Variants in NBEA observed in about 807,000 individuals in gnomAD.
NBEA encodes the protein neurobeachin.
NBEA carries 44 observed loss-of-function variants against 343.4 expected under a neutral mutation model. The ratio of observed to expected loss-of-function variants is 0.13; its 90% confidence interval spans 0.10 to 0.16. NBEA has a LOEUF of 0.16. Among genes scored for constraint, NBEA ranks in the 10% least tolerant of loss-of-function variants. The probability of loss-of-function intolerance (pLI) is 1.00; values close to 1 mark genes in which losing one functional copy is unlikely to be tolerated. For missense variants in NBEA, 2,555 were observed against 3,631.3 expected (o/e 0.70, Z 7.62); for synonymous variants, 1,175 against 1,238.7 (o/e 0.95, Z 1.08).
In NBEA at chr13:34,989,687, C is replaced by G. The variant is rs959033653; in HGVS notation, c.294+46573C>G. On this transcript the variant is annotated intron_variant, in intron 1 of 58. Coordinates refer to ENST00000379939, the MANE Select transcript of NBEA (RefSeq NM_001385012.1). Reference sequence around the variant, plus strand: ...ACCTAGCCCTCCCAAATCTCATGTCCTTGTCACCTTTCAAAGCACAGTCAT... The same window carrying G: ...ACCTAGCCCTCCCAAATCTCATGTCGTTGTCACCTTTCAAAGCACAGTCAT... Among the ~76,000 whole-genome samples the G allele has an allele frequency of 1.1e-4, 16 of 150,718 alleles. 1 individual carries two copies. Among genetic ancestry groups the G allele is most frequent in the African/African-American group, 3.9e-4 (16 of 41,286 alleles).
At chr13:35,375,659 G>A (rs948702470) in intron 38 of NBEA, among the ~76,000 whole-genome samples, 1 of 152,096 alleles carries the variant, frequency 6.6e-6, no homozygotes, top group Non-Finnish European at 1.5e-5. Context: ...CAAAAATCCA[G>A]CAAGGTGACA....
chr13:35,137,649 C>T (rs960646122), intron 17 of NBEA, among the ~76,000 whole-genome samples: 1 of 151,228 alleles, frequency 6.6e-6, no homozygotes, highest in African/African-American at 2.4e-5. Flanking sequence ...CCTTTATTAC[C>T]TTCTCTTACT....
At position 34,944,597 on chromosome 13, in the gene NBEA, C is replaced by A. The variant is rs927112268; in HGVS notation, c.294+1483C>A. Among the ~76,000 whole-genome samples, 19 of 152,132 alleles carry A rather than the reference C, an allele frequency of 1.2e-4. 1 individual carries two copies. Among genetic ancestry groups the A allele is most frequent in the Admixed American group, 9.8e-4 (15 of 15,278 alleles). ...ATATAACCAAGTTCTTTTCAGAACA[C>A]TACTAGAAATACAGTTTTCTTGAGT... On this transcript the variant is annotated intron_variant, in intron 1 of 58. Coordinates refer to ENST00000379939, the MANE Select transcript of NBEA (RefSeq NM_001385012.1).
intron 23 of NBEA, among the ~76,000 whole-genome samples, chr13:35,162,277 T>G (rs1332263120): frequency 3.3e-5 from 5 of 152,262 alleles, no homozygotes; most frequent in African/African-American, 1.2e-4. Flanking sequence ...CTTTCTAAAT[T>G]TTCAATTTAA....
chr13:35,551,710 G>C (rs962317086), intron 43 of NBEA, among the ~76,000 whole-genome samples: 2 of 85,300 alleles, frequency 2.3e-5, no homozygotes, highest in African/African-American at 5.7e-5. Context: ...GGTGCTGCCA[G>C]TATTGGTTCA....
intron 11 of NBEA, among the ~76,000 whole-genome samples, chr13:35,101,223 G>A (rs2065632435): frequency 6.6e-6 from 1 of 151,952 alleles, no homozygotes; most frequent in Non-Finnish European, 1.5e-5. Context: ...ATACCTAGGA[G>A]TTAATTTGCT....
intron 41 of NBEA, among the ~76,000 whole-genome samples, chr13:35,509,993 G>A (rs1326321962): frequency 6.6e-6 from 1 of 152,180 alleles, no homozygotes; most frequent in Non-Finnish European, 1.5e-5. Context: ...TCTACTTCAT[G>A]ATTTTGAATG....
In NBEA at chr13:35,098,069, C is replaced by T. The variant is rs542268811; in HGVS notation, c.1572-228C>T. Reference sequence around the variant, plus strand: ...TACTTTGGAATGTAAAAAAACTACACAGTTATGATTCAGTTTATTATATTT... The same window carrying T: ...TACTTTGGAATGTAAAAAAACTACATAGTTATGATTCAGTTTATTATATTT... On this transcript the variant is annotated intron_variant, in intron 10 of 58. Transcript: ENST00000379939. 4.6e-5 allele frequency among the ~76,000 whole-genome samples: 7 copies of T among 152,152 alleles called. No individual in the cohort carries two copies. In the South Asian group the frequency reaches 1.5e-3, roughly 32 times the overall value.
chr13:35,594,947 T>TCACACACA (rs71196581), intron 47 of NBEA, among the ~76,000 whole-genome samples: 72 of 111,118 alleles, frequency 6.5e-4, no homozygotes, highest in African/African-American at 1.8e-3. Context: ...TTTGACATCA[T>TCACACACA]CACACACACA....
Position 35,051,639 on chromosome 13 carries a change from C to T in NBEA, c.972+1244C>T, listed in dbSNP as rs71438058. Among the ~76,000 whole-genome samples the T allele has an allele frequency of 3.3e-3, 494 of 151,900 alleles. 6 individuals are homozygous for T. Among genetic ancestry groups the T allele is most frequent in the Non-Finnish European group, 4.7e-3 (319 of 67,856 alleles). On this transcript the variant is annotated intron_variant, in intron 6 of 58. Coordinates refer to ENST00000379939, the MANE Select transcript of NBEA (RefSeq NM_001385012.1). ...CATTCATTATAATGGTGTATTCTTTCTTTTTTAATACAAATTGATTATTTT... is the reference window on the plus strand; with the variant it reads ...CATTCATTATAATGGTGTATTCTTTTTTTTTTAATACAAATTGATTATTTT...
At chr13:35,416,784 A>G (rs973157193) in intron 38 of NBEA, among the ~76,000 whole-genome samples, 5 of 152,006 alleles carry the variant, frequency 3.3e-5, no homozygotes, top group African/African-American at 4.8e-5. Flanking sequence ...CTCTTTTTCT[A>G]TTGATTGGAA....
At chr13:35,091,922 A>G (rs1453032472) in intron 10 of NBEA, among the ~76,000 whole-genome samples, 1 of 152,006 alleles carries the variant, frequency 6.6e-6, no homozygotes, top group Non-Finnish European at 1.5e-5. Context: ...TGTAGACAAG[A>G]TGAGTCTAAA....
intron 11 of NBEA, among the ~76,000 whole-genome samples, chr13:35,107,464 A>T (rs1215669949): frequency 6.6e-6 from 1 of 152,000 alleles, no homozygotes; most frequent in Non-Finnish European, 1.5e-5. Context: ...TTTTAACCTT[A>T]TAATAATTTG....
At chr13:34,961,309 T>C (rs2059654110) in intron 1 of NBEA, among the ~76,000 whole-genome samples, 1 of 152,208 alleles carries the variant, frequency 6.6e-6, no homozygotes, top group African/African-American at 2.4e-5. Context: ...AGTTTTGCTT[T>C]ATATTATTAT....
chr13:35,642,507 G>A (rs2084011697), intron 49 of NBEA, among the ~76,000 whole-genome samples: 1 of 152,088 alleles, frequency 6.6e-6, no homozygotes, highest in Admixed American at 6.6e-5. Context: ...AAGTACAACA[G>A]ATACACAAAG....
At chr13:35,169,277 G>A (rs2070280118) in intron 25 of NBEA, among the ~76,000 whole-genome samples, 1 of 151,514 alleles carries the variant, frequency 6.6e-6, no homozygotes, top group African/African-American at 2.4e-5. Context: ...TCTAAGGAAA[G>A]TAAATTGGAT....
In NBEA at chr13:35,510,993, CATA is replaced by C. The variant is rs1420412213; in HGVS notation, c.6585+38465_6585+38467del. Reference sequence around the variant, plus strand: ...GACTTCTTAATGGATTTTCAGATAACATAATAATAAGTAGAAAACATGAAAATA... The same window carrying C: ...GACTTCTTAATGGATTTTCAGATAACATAATAAGTAGAAAACATGAAAATA... On this transcript the variant is annotated intron_variant, in intron 41 of 58. Transcript: ENST00000379939. Among the ~76,000 whole-genome samples the C allele has an allele frequency of 2.6e-5, 4 of 152,106 alleles. No individual in the cohort carries two copies. In the South Asian group the frequency reaches 6.2e-4, roughly 24 times the overall value.
intron 21 of NBEA, among the ~76,000 whole-genome samples, chr13:35,157,770 A>T (rs1422643703): frequency 1.3e-5 from 2 of 152,086 alleles, no homozygotes; most frequent in Admixed American, 6.6e-5. Flanking sequence ...GGTAAAATGA[A>T]ATAGTGAATT....
chr13:35,512,446 A>C (rs1445574048), intron 41 of NBEA, among the ~76,000 whole-genome samples: 1 of 152,182 alleles, frequency 6.6e-6, no homozygotes, highest in Admixed American at 6.5e-5. Context: ...TATGGTCTGG[A>C]ATTTAAAAAT....
Sources: allele counts gnomAD v4.1 joint callset (sites outside exome capture counted in the v4.1 genomes callset), GRCh38; gene constraint gnomAD v4.1.1; transcripts MANE v1.5; gene names NCBI Gene and HGNC (gene_info 2026-07-23, HGNC 2026-07-21).